Variants in SORCS2 observed in about 807,000 individuals in gnomAD.
The protein encoded by SORCS2 is VPS10 domain-containing receptor SorCS2.
Under a neutral mutation model 141.6 loss-of-function variants are expected in SORCS2, and 100 were observed. The ratio of observed to expected loss-of-function variants is 0.71; its 90% CI spans 0.60 to 0.83. SORCS2 has a LOEUF of 0.83. Among genes scored for constraint, SORCS2 ranks in the 40% least tolerant of loss-of-function variants. SORCS2 has a pLI of 0.00. For synonymous variants in SORCS2, 789 were observed against 676.9 expected (o/e 1.17, Z -2.57); for missense variants, 1,646 against 1,560.2 (o/e 1.05, Z -0.93).
intron 3 of SORCS2, among the ~76,000 whole-genome samples, chr4:7,629,340 G>C (rs753615766): frequency 7.2e-5 from 11 of 152,154 alleles, no homozygotes; most frequent in East Asian, 1.9e-4. Flanking sequence ...CCAGAACATA[G>C]AGTGAGCCTG....
intron 3 of SORCS2, among the ~76,000 whole-genome samples, chr4:7,607,821 A>G (rs1211667605): frequency 6.6e-6 from 1 of 152,036 alleles, no homozygotes; most frequent in African/African-American, 2.4e-5. Flanking sequence ...TGAGTAGCAG[A>G]GATAGGTGCT....
intron 1 of SORCS2, among the ~76,000 whole-genome samples, chr4:7,255,809 CCCCGGGGTTGGAGCGTGGGGA>C (rs1713817626): frequency 2.7e-5 from 4 of 150,890 alleles, no homozygotes; most frequent in Non-Finnish European, 5.9e-5. Context: ...GCCACTGGAG[CCCCGGGGTTGGAGCGTGGGGA>C]CCCGGGGTTG....
intron 1 of SORCS2, among the ~76,000 whole-genome samples, chr4:7,381,246 C>T (rs570985042): frequency 2.0e-5 from 3 of 152,308 alleles, no homozygotes; most frequent in South Asian, 4.1e-4. Flanking sequence ...TCCTGGCTCT[C>T]TTTGGAGGGG....
At chr4:7,539,564 T>G (rs1450150517) in intron 3 of SORCS2, among the ~76,000 whole-genome samples, 1 of 152,082 alleles carries the variant, frequency 6.6e-6, no homozygotes, top group African/African-American at 2.4e-5. Flanking sequence ...TCCCTCTCCC[T>G]CCCTCCTTGT....
chr4:7,701,763 C>T (rs1178577093), intron 12 of SORCS2, among the ~76,000 whole-genome samples: 1 of 152,188 alleles, frequency 6.6e-6, no homozygotes, highest in Non-Finnish European at 1.5e-5. Flanking sequence ...CCTGGAAAAC[C>T]CAGCATTCAG....
intron 2 of SORCS2, among the ~76,000 whole-genome samples, chr4:7,457,016 C>A (rs1728954856): frequency 6.6e-6 from 1 of 152,134 alleles, no homozygotes; most frequent in African/African-American, 2.4e-5. Context: ...TGACACTGGG[C>A]ATGGTGCTGG....
chr4:7,350,995 C>G (rs1353342900), intron 1 of SORCS2, among the ~76,000 whole-genome samples: 1 of 152,160 alleles, frequency 6.6e-6, no homozygotes, highest in African/African-American at 2.4e-5. Context: ...CGGGGTGGGG[C>G]TGTCGAAAGC....
chr4:7,447,664 C>T (rs756428773), intron 2 of SORCS2, among the ~76,000 whole-genome samples: 11 of 152,242 alleles, frequency 7.2e-5, no homozygotes, highest in Middle Eastern at 3.4e-3. Flanking sequence ...TGCCAGAGCA[C>T]GGGGGTCCTC....
At chr4:7,222,197 T>C (rs10937794) in intron 1 of SORCS2, among the ~76,000 whole-genome samples, 36,923 of 152,108 alleles carry the variant, frequency 0.24, 4,679 homozygotes, top group East Asian at 0.45. Flanking sequence ...CCCGTGTCTC[T>C]GCTGCAGCAA....
chr4:7,394,304 C>A (rs941435566), intron 1 of SORCS2, among the ~76,000 whole-genome samples: 6 of 152,072 alleles, frequency 3.9e-5, no homozygotes, highest in African/African-American at 1.4e-4. Context: ...GTGCCCCGCA[C>A]TGGGGAGATA....
chr4:7,328,259 C>A (rs1719414210), intron 1 of SORCS2, among the ~76,000 whole-genome samples: 1 of 150,578 alleles, frequency 6.6e-6, no homozygotes, highest in African/African-American at 2.5e-5. Flanking sequence ...TGGTCTTGAA[C>A]TCCTGGCTTC....
At chr4:7,481,494 C>T (rs527936808) in intron 2 of SORCS2, among the ~76,000 whole-genome samples, 25 of 152,218 alleles carry the variant, frequency 1.6e-4, no homozygotes, top group African/African-American at 4.8e-4. Flanking sequence ...CATGTGGAGT[C>T]GGCATCCGGC....
chr4:7,525,970 C>T (rs1184726207), intron 2 of SORCS2, among the ~76,000 whole-genome samples: 2 of 146,080 alleles, frequency 1.4e-5, no homozygotes, highest in Non-Finnish European at 3.0e-5. Context: ...TCTCAGTCAC[C>T]TGTCCCCTCC....
chr4:7,389,007 A>T (rs10030747), intron 1 of SORCS2, among the ~76,000 whole-genome samples: 1 of 151,982 alleles, frequency 6.6e-6, no homozygotes, highest in African/African-American at 2.4e-5. Flanking sequence ...CCAGGCCAAA[A>T]GGCACATGGG....
At chr4:7,282,725 CTG>C (rs1369568993) in intron 1 of SORCS2, among the ~76,000 whole-genome samples, 1 of 152,152 alleles carries the variant, frequency 6.6e-6, no homozygotes, top group Non-Finnish European at 1.5e-5. Flanking sequence ...AGGAAGGAAA[CTG>C]GGGCTGAGAG....
At chr4:7,327,626 C>A (rs1719356879) in intron 1 of SORCS2, among the ~76,000 whole-genome samples, 1 of 152,242 alleles carries the variant, frequency 6.6e-6, no homozygotes, top group South Asian at 2.1e-4. Flanking sequence ...CTGTCCTGTG[C>A]TCATGCTTTC....
At chr4:7,599,306 C>T (rs1471192642) in intron 3 of SORCS2, among the ~76,000 whole-genome samples, 1 of 152,152 alleles carries the variant, frequency 6.6e-6, no homozygotes, top group Non-Finnish European at 1.5e-5. Context: ...CCCTAGAGCA[C>T]GGGTGAGGAC....
rs540545306 is a variant in SORCS2 at position 7,217,614 on chromosome 4, G to C, written c.480+24488G>C. On this transcript the variant is annotated intron_variant, in intron 1 of 26. Transcript: ENST00000507866. The stretch of plus-strand genomic sequence containing the variant: ...TCTATGAGTGGAAGGCAGTTCCCCA[G>C]GGTGGGGCAGAGTGGTGCGGCCGCC... 4.6e-5 allele frequency among the ~76,000 whole-genome samples: 7 copies of C among 152,336 alleles called. No individual in the cohort carries two copies. The East Asian group carries it at 1.4e-3, about 29-fold the overall frequency.
Position 7,193,251 on chromosome 4 carries a change from T to G in SORCS2, c.480+125T>G, listed in dbSNP as rs1019795793. ...CATCAGGGGCGGGTTCTTGGCGACT[T>G]GGGCACTTGGGTCACCTCGGCCGCG... On this transcript the variant is annotated intron_variant, in intron 1 of 26. Transcript: ENST00000507866. This position sits in a 1 kb window ranked among gnomAD's most constrained non-coding sequence, Gnocchi z 4.8. 8.2e-7 allele frequency: 1 copy of G among 1,223,554 alleles called. No homozygotes were observed. The highest frequency in any genetic ancestry group is 1.6e-5 in the African/African-American group (1 of 63,384). The allele number at this position is 1,223,554 out of a possible 1,614,324, so 75.8% of individuals were successfully genotyped here. A position where few individuals can be genotyped will look rare whatever the true frequency, so the allele number is the denominator to read the frequency against.
Sources: allele counts gnomAD v4.1 joint callset (sites outside exome capture counted in the v4.1 genomes callset), GRCh38; gene constraint gnomAD v4.1.1; non-coding constraint Gnocchi (gnomAD v3.1); transcripts MANE v1.5; gene names NCBI Gene and HGNC (gene_info 2026-07-23, HGNC 2026-07-21).